Variants in EXOC5 observed in about 807,000 individuals in gnomAD.
EXOC5 encodes the protein exocyst complex component 5.
In EXOC5, 17 loss-of-function variants were observed where a neutral mutation model predicts 90.8. The observed-to-expected ratio is 0.19, with a 90% CI of 0.13 to 0.28. The LOEUF is 0.28. Ranked by LOEUF, EXOC5 falls within the 10% of genes least tolerant of loss-of-function variation. EXOC5 has a pLI of 1.00. For missense variants in EXOC5, 569 were observed against 830.6 expected (o/e 0.69, Z 3.87); for synonymous variants, 260 against 270.0 (o/e 0.96, Z 0.36).
At chr14:57,224,638 CAAAGAAAG>C (rs907012250) in intron 12 of EXOC5, among the ~76,000 whole-genome samples, 1 of 151,758 alleles carries the variant, frequency 6.6e-6, no homozygotes, top group Non-Finnish European at 1.5e-5. Context: ...TGACTTTTAC[CAAAGAAAG>C]AAAGAAAGAA....
At chr14:57,232,059 T>G (rs1883503611) in intron 10 of EXOC5, 1 of 188,632 alleles carries the variant, frequency 5.3e-6, no homozygotes, top group Admixed American at 5.5e-5. Context: ...TACTGAAAGA[T>G]CTACTGTCTG....
chr14:57,229,977 T>A (rs1555368637), intron 11 of EXOC5, 96 bp from the exon 12 acceptor site: 7 of 616,762 alleles, frequency 1.1e-5, no homozygotes, highest in Non-Finnish European at 1.7e-5. Context: ...ACAACAAAAA[T>A]GGACCAATAG....
intron 1 of EXOC5, among the ~76,000 whole-genome samples, chr14:57,258,314 T>C (rs1884407688): frequency 6.6e-6 from 1 of 152,126 alleles, no homozygotes; most frequent in Admixed American, 6.5e-5. Context: ...CCATCAATGA[T>C]AGACTGGATA....
intron 11 of EXOC5, among the ~76,000 whole-genome samples, 183 bp from the exon 12 acceptor site, chr14:57,230,064 T>C (rs1883435735): frequency 3.3e-5 from 5 of 152,174 alleles, no homozygotes; most frequent in Admixed American, 3.3e-4. Context: ...CGGAAGATTT[T>C]CATCTGATAA....
intron 1 of EXOC5, among the ~76,000 whole-genome samples, chr14:57,248,444 A>C (rs1034999278): frequency 7.9e-5 from 12 of 152,034 alleles, no homozygotes; most frequent in African/African-American, 2.7e-4. Context: ...ATAATGTAAA[A>C]AGTTTAGAAA....
chr14:57,231,567 T>C lies in EXOC5; in HGVS notation c.1087A>G (p.Met363Val), dbSNP rs1037520148. Residue 363 changes from methionine to valine, a missense_variant, in exon 11 of 18, where the codon ATG becomes GTG. Met to Val is a conservative substitution (Grantham distance 21). This residue lies in a region of EXOC5 where 69 missense variants were observed against 115.5 expected (regional missense o/e 0.60). Transcript: ENST00000621441. ...GAATCATAATAGCGCTGTAGGATCA[T>C]AGCACTTCTGCTTTTCAAATATCCA... Reference protein sequence around the residue: ...ETGYLKSRSAMILQRYYDSKN... With the variant: ...ETGYLKSRSAVILQRYYDSKN... The C allele has an allele frequency of 2.2e-5, 36 of 1,612,608 alleles. No individual in the cohort carries two copies. The highest frequency in any genetic ancestry group is 6.7e-5 in the East Asian group (3 of 44,828).
chr14:57,244,023 T>A (rs1883957828), intron 4 of EXOC5, 142 bp downstream of exon 4: 1 of 608,634 alleles, frequency 1.6e-6, no homozygotes, highest in Non-Finnish European at 2.9e-6. Flanking sequence ...TGTATTAGTT[T>A]ACATTTCAGA....
rs207474873 is a variant in EXOC5, at chr14:57,268,771, C to T, written c.-123G>A. The T allele has an allele frequency of 6.9e-6, 10 of 1,450,206 alleles. No homozygotes were observed. The highest frequency in any genetic ancestry group is 1.5e-5 in the African/African-American group (1 of 68,442). 89.8% of individuals were successfully genotyped at this position (1,450,206 alleles called of 1,614,324 possible). A position where few individuals can be genotyped will look rare whatever the true frequency, so the allele number is the denominator to read the frequency against. ...AGCTCCGGCTCCGGGCCGCTGCGGG[C>T]TCCCCAGCTCCCCACAGATCCCAGG... On this transcript the variant is annotated 5_prime_UTR_variant, in exon 1 of 18. Coordinates refer to ENST00000621441, the MANE Select transcript of EXOC5 (RefSeq NM_006544.4).
chr14:57,263,784 C>T (rs1317157317), intron 1 of EXOC5, among the ~76,000 whole-genome samples: 1 of 150,834 alleles, frequency 6.6e-6, no homozygotes, highest in African/African-American at 2.4e-5. Context: ...AAAAAACTGC[C>T]CTCGAACTCC....
Position 57,244,249 on chromosome 14 carries a change from T to C in EXOC5, c.381A>G (p.Ala127=). 1 of 1,613,574 alleles carries C rather than the reference T, an allele frequency of 6.2e-7. No homozygotes were observed. The highest frequency in any genetic ancestry group is 8.5e-7 in the Non-Finnish European group (1 of 1,179,508). Residue 127 remains alanine, a synonymous_variant, in exon 4 of 18, where the codon GCA becomes GCG. Coordinates refer to ENST00000621441, the MANE Select transcript of EXOC5 (RefSeq NM_006544.4). The part of the protein sequence containing the change: ...LEGVNTPRQR[A]VEAQKLMKYF... The stretch of plus-strand genomic sequence containing the variant: ...ATTTCATCAATTTCTGAGCCTCCAC[T>C]GCCCGTTGTCTGGGTGTGTTTACCC...
At position 57,258,809 on chromosome 14, in the gene EXOC5, G is replaced by C. The variant is rs533494335; in HGVS notation, c.27+9813C>G. Reference sequence around the variant, plus strand: ...ACAAATTCAATTTTTATATTTTCTTGTATCTCCATTCCCAAAAGCAGATCC... The same window carrying C: ...ACAAATTCAATTTTTATATTTTCTTCTATCTCCATTCCCAAAAGCAGATCC... On this transcript the variant is annotated intron_variant, in intron 1 of 17. Transcript: ENST00000621441. Among the ~76,000 whole-genome samples, 16 of 151,964 alleles carry C rather than the reference G, an allele frequency of 1.1e-4. No homozygotes were observed. In the South Asian group the frequency reaches 3.1e-3, roughly 30 times the overall value.
chr14:57,208,765 C>A lies in EXOC5; in HGVS notation c.1971G>T (p.Leu657=). ...IPMVLHLFDT[L]HALCNLLVVA... ...CTACCAGAAGATTGCAAAGAGCATG[C>A]AGAGTATCAAAAAGATGTAATACCA... is the stretch of plus-strand genomic sequence containing the variant. Residue 657 remains leucine, a synonymous_variant, in exon 18 of 18, where the codon CTG becomes CTT. Coordinates refer to ENST00000621441, the MANE Select transcript of EXOC5 (RefSeq NM_006544.4). 6.2e-7 allele frequency: 1 copy of A among 1,606,090 alleles called. No homozygotes were observed. The highest frequency in any genetic ancestry group is 1.7e-4 in the Middle Eastern group (1 of 5,986).
intron 5 of EXOC5, among the ~76,000 whole-genome samples, chr14:57,238,953 C>T (rs956430334): frequency 6.6e-6 from 1 of 151,940 alleles, no homozygotes; most frequent in Non-Finnish European, 1.5e-5. Flanking sequence ...ACATTCCATA[C>T]ACTAGAAGAA....
intron 12 of EXOC5, among the ~76,000 whole-genome samples, chr14:57,227,970 ACAC>A (rs1028518777): frequency 2.9e-4 from 41 of 143,828 alleles, no homozygotes; most frequent in Admixed American, 4.7e-4. Flanking sequence ...ACACACACAC[ACAC>A]ACGTATGTAA....
intron 14 of EXOC5, among the ~76,000 whole-genome samples, chr14:57,218,349 G>A (rs1243473357): frequency 1.3e-5 from 2 of 151,986 alleles, no homozygotes; most frequent in Non-Finnish European, 2.9e-5. Context: ...CATCTCTCAA[G>A]AATATAAATG....
At chr14:57,244,116 G>T in intron 4 of EXOC5, 49 bp downstream of exon 4, 1 of 1,227,178 alleles carries the variant, frequency 8.1e-7, no homozygotes, top group Non-Finnish European at 1.2e-6. Flanking sequence ...CATAATTAGG[G>T]CACTGTTATT....
chr14:57,251,763 C>T (rs1884203424), intron 1 of EXOC5, among the ~76,000 whole-genome samples: 1 of 151,608 alleles, frequency 6.6e-6, no homozygotes, highest in Non-Finnish European at 1.5e-5. Flanking sequence ...ATTAATGAAA[C>T]CAGAAGTTGG....
intron 1 of EXOC5, 46 bp downstream of exon 1, chr14:57,268,576 T>G (rs768637069): frequency 6.4e-7 from 1 of 1,565,854 alleles, no homozygotes; most frequent in Middle Eastern, 1.7e-4. Flanking sequence ...CCCAGCTGCC[T>G]GCAAACCCCG....
At chr14:57,268,572 T>C in intron 1 of EXOC5, 50 bp downstream of exon 1, 2 of 1,563,312 alleles carry the variant, frequency 1.3e-6, no homozygotes, top group Non-Finnish European at 1.7e-6. Flanking sequence ...CCCACCCAGC[T>C]GCCTGCAAAC....
Sources: gnomAD v4.1 joint callset for allele counts (sites outside exome capture counted in the v4.1 genomes callset) on GRCh38, gnomAD v4.1.1 for gene constraint, gnomAD v4.1.1 regional missense constraint, MANE v1.5 for transcripts, NCBI Gene and HGNC (gene_info 2026-07-23, HGNC 2026-07-21) for gene names.